RASGEF1C: variants seen among roughly 807,000 people sequenced by gnomAD.
RASGEF1C encodes the protein RasGEF domain family member 1C.
Under a neutral mutation model 58.1 loss-of-function variants are expected in RASGEF1C, and 27 were observed. That is an observed-to-expected ratio of 0.46 (90% CI 0.34 to 0.64). RASGEF1C has a LOEUF of 0.64. Ranked by LOEUF, RASGEF1C falls within the 30% of genes least tolerant of loss-of-function variation. The pLI, the probability that RASGEF1C is intolerant of heterozygous loss-of-function variation, is 0.01. For synonymous variants in RASGEF1C, 243 were observed against 246.3 expected, an observed-to-expected ratio of 0.99 and a Z score of 0.13; for missense variants, 502 against 605.1, an observed-to-expected ratio of 0.83 and a Z score of 1.79.
At chr5:180,105,601 C>G (rs1446233318) in intron 12 of RASGEF1C, among the ~76,000 whole-genome samples, 3 of 149,834 alleles carry the variant, frequency 2.0e-5, no homozygotes, top group African/African-American at 7.4e-5. Context: ...GGCGCGGTGG[C>G]TCACACCTGT....
At chr5:180,104,877 A>G (rs1765849479) in intron 12 of RASGEF1C, among the ~76,000 whole-genome samples, 3 of 152,134 alleles carry the variant, frequency 2.0e-5, no homozygotes, top group Admixed American at 2.0e-4. Context: ...TGTTTGTCGT[A>G]TTCCCTTATT....
At chr5:180,142,795 G>A (rs1050116495) in intron 1 of RASGEF1C, among the ~76,000 whole-genome samples, 11 of 152,070 alleles carry the variant, frequency 7.2e-5, no homozygotes, top group South Asian at 6.2e-4. Context: ...GCACCCCATC[G>A]TTTTAGAGTC....
At chr5:180,118,903 G>A in intron 8 of RASGEF1C, 37 bp from the exon 9 acceptor site, 1 of 1,584,542 alleles carries the variant, frequency 6.3e-7, no homozygotes, top group Non-Finnish European at 8.7e-7. Flanking sequence ...GGCTGCTCCT[G>A]GGACAGGGGG....
intron 1 of RASGEF1C, among the ~76,000 whole-genome samples, chr5:180,147,658 G>A (rs542449192): frequency 6.4e-4 from 97 of 152,196 alleles, no homozygotes; most frequent in African/African-American, 2.3e-3. Context: ...TAGTTGGAGA[G>A]GATACTTCAT....
At chr5:180,181,926 G>A (rs999997985) in intron 1 of RASGEF1C, among the ~76,000 whole-genome samples, 8 of 149,488 alleles carry the variant, frequency 5.4e-5, no homozygotes, top group African/African-American at 2.0e-4. Context: ...GCCATGGGCC[G>A]GGCGCAGTGG....
chr5:180,195,508 C>T (rs2127563496), intron 1 of RASGEF1C, among the ~76,000 whole-genome samples: 2 of 152,218 alleles, frequency 1.3e-5, no homozygotes, highest in East Asian at 3.9e-4. Context: ...CGCCTGTAAT[C>T]CCAGCACTTT....
intron 1 of RASGEF1C, among the ~76,000 whole-genome samples, chr5:180,202,702 CTTTCTT>C (rs1756414597): frequency 6.6e-6 from 1 of 150,848 alleles, no homozygotes; most frequent in Non-Finnish European, 1.5e-5. Flanking sequence ...ACTCACAAGT[CTTTCTT>C]TTTTTTTTTT....
chr5:180,163,254 C>CTTTTGTTTTTTTTT (rs1187829324), intron 1 of RASGEF1C, among the ~76,000 whole-genome samples: 1 of 71,068 alleles, frequency 1.4e-5, no homozygotes, highest in Non-Finnish European at 2.5e-5. Flanking sequence ...TTTTTTTTTC[C>CTTTTGTTTTTTTTT]AGCCTATTGC....
chr5:180,114,349 G>T, intron 11 of RASGEF1C, 97 bp downstream of exon 11: 4 of 1,182,894 alleles, frequency 3.4e-6, no homozygotes, highest in Non-Finnish European at 2.4e-6. Flanking sequence ...CTGCCCCAGG[G>T]TCCCCCATGA....
intron 4 of RASGEF1C, among the ~76,000 whole-genome samples, chr5:180,129,897 G>A (rs762354315): frequency 7.9e-5 from 12 of 152,206 alleles, no homozygotes; most frequent in Admixed American, 7.2e-4. Context: ...AGGGGTTTCC[G>A]AGGGGAAATA....
intron 6 of RASGEF1C, among the ~76,000 whole-genome samples, chr5:180,121,593 G>A (rs1182531524): frequency 5.9e-5 from 9 of 151,930 alleles, no homozygotes; most frequent in East Asian, 3.9e-4. Context: ...GATTACAGGC[G>A]TGAGCCACTG....
intron 1 of RASGEF1C, among the ~76,000 whole-genome samples, chr5:180,169,610 G>A (rs1458712417): frequency 6.8e-6 from 1 of 147,778 alleles, no homozygotes; most frequent in Non-Finnish European, 1.5e-5. Context: ...GGGCAGGGGG[G>A]CGGGCTCCTC....
At chr5:180,125,236 G>T (rs1443987167) in intron 6 of RASGEF1C, among the ~76,000 whole-genome samples, 1 of 152,110 alleles carries the variant, frequency 6.6e-6, no homozygotes, top group East Asian at 1.9e-4. Flanking sequence ...AAGGAGAAGA[G>T]AATATGTGAG....
intron 6 of RASGEF1C, among the ~76,000 whole-genome samples, chr5:180,126,617 G>A (rs891396620): frequency 1.3e-5 from 2 of 152,160 alleles, no homozygotes; most frequent in African/African-American, 4.8e-5. Context: ...GGAGGGATAG[G>A]TCTTGGAGGT....
intron 6 of RASGEF1C, 120 bp downstream of exon 6, chr5:180,127,489 C>T (rs1766282229): frequency 1.1e-6 from 1 of 908,924 alleles, no homozygotes; most frequent in Non-Finnish European, 1.6e-6. Context: ...GCCCCCCGAG[C>T]CCACCTGTCC....
chr5:180,131,296 G>A (rs1424572951), intron 4 of RASGEF1C, among the ~76,000 whole-genome samples: 8 of 152,116 alleles, frequency 5.3e-5, no homozygotes, highest in Non-Finnish European at 1.2e-4. Context: ...GCCTCTATGC[G>A]CCCTTGCTCC....
intron 12 of RASGEF1C, among the ~76,000 whole-genome samples, chr5:180,108,569 AT>A (rs531529837): frequency 6.6e-6 from 1 of 151,820 alleles, no homozygotes; most frequent in Non-Finnish European, 1.5e-5. Flanking sequence ...CAGTTCATAG[AT>A]TTTTTTCCTC....
At chr5:180,203,131 G>A (rs964490680) in intron 1 of RASGEF1C, among the ~76,000 whole-genome samples, 2 of 152,168 alleles carry the variant, frequency 1.3e-5, no homozygotes, top group Non-Finnish European at 2.9e-5. Context: ...AGTTTCTATG[G>A]TGCTCACCGG....
chr5:180,151,483 A>G (rs1455849887), intron 1 of RASGEF1C, among the ~76,000 whole-genome samples: 4 of 152,254 alleles, frequency 2.6e-5, no homozygotes, highest in Non-Finnish European at 5.9e-5. Context: ...TTCCCTATTT[A>G]ATAAATGGTG....
Sources: gnomAD v4.1 joint callset for allele counts (sites outside exome capture counted in the v4.1 genomes callset) on GRCh38, gnomAD v4.1.1 for gene constraint, MANE v1.5 for transcripts, NCBI Gene and HGNC (gene_info 2026-07-23, HGNC 2026-07-21) for gene names.